KCNU1: variants seen among roughly 807,000 people sequenced by gnomAD.
KCNU1 encodes the protein potassium calcium-activated channel subfamily U member 1, also known as potassium channel subfamily U member 1.
KCNU1 carries 93 observed loss-of-function variants against 126.8 expected under a neutral mutation model. The observed-to-expected ratio is 0.73, with a 90% confidence interval of 0.62 to 0.87. The LOEUF is 0.87. Ranked by LOEUF, KCNU1 falls within the 40% of genes least tolerant of loss-of-function variation. KCNU1 has a pLI of 0.00. For missense variants in KCNU1, 1,330 were observed against 1,367.1 expected (o/e 0.97, Z 0.43); for synonymous variants, 523 against 494.2 (o/e 1.06, Z -0.77).
At chr8:36,820,120 G>A (rs1053903349) in intron 10 of KCNU1, among the ~76,000 whole-genome samples, 4 of 152,126 alleles carry the variant, frequency 2.6e-5, no homozygotes, top group African/African-American at 9.7e-5. Flanking sequence ...AGCTCCTTGT[G>A]AAGCTCCTGG....
At chr8:36,929,719 GA>G (rs1808642408) in intron 24 of KCNU1, among the ~76,000 whole-genome samples, 1 of 152,134 alleles carries the variant, frequency 6.6e-6, no homozygotes, top group African/African-American at 2.4e-5. Context: ...CCCCAGAGGG[GA>G]CAGGTCATGG....
At chr8:36,871,989 C>G (rs1806120330) in intron 19 of KCNU1, among the ~76,000 whole-genome samples, 1 of 151,874 alleles carries the variant, frequency 6.6e-6, no homozygotes, top group African/African-American at 2.4e-5. Context: ...AAGTAAAACT[C>G]TCTTCAAGGC....
chr8:36,900,476 A>G (rs1398834355), intron 19 of KCNU1, among the ~76,000 whole-genome samples: 1 of 152,136 alleles, frequency 6.6e-6, no homozygotes, highest in Non-Finnish European at 1.5e-5. Flanking sequence ...TTAATATTTG[A>G]CTACAATATG....
intron 2 of KCNU1, among the ~76,000 whole-genome samples, chr8:36,801,597 T>C (rs992054375): frequency 2.6e-5 from 4 of 152,042 alleles, no homozygotes; most frequent in Non-Finnish European, 5.9e-5. Flanking sequence ...ATGTACATAA[T>C]CATATGTAAA....
rs1263985562 is a variant in KCNU1 at position 36,911,026 on chromosome 8, C to T, written c.2428C>T (p.Gln810Ter). 1 of 1,613,728 alleles carries T rather than the reference C, an allele frequency of 6.2e-7. No individual in the cohort carries two copies. The highest frequency in any genetic ancestry group is 1.7e-5 in the Admixed American group (1 of 60,002). Residue 810 changes from glutamine (Q) to a stop codon, truncating the protein, a stop_gained, in exon 22 of 27, where the codon CAG becomes TAG. Transcript: ENST00000399881. LOFTEE classifies it high-confidence loss of function. ...CCCCCCACCCCAGCCATCAAGCAAC[C>T]AGACTTTGGTAGACACAGAAGCCAT... ...LSPPPQPSSN[Q>*]TLVDTEAIMA... is the part of the protein sequence containing the mutation.
At position 36,789,675 on chromosome 8, in the gene KCNU1, T is replaced by C. The variant is rs1363293021; in HGVS notation, c.315+2250T>C. On this transcript the variant is annotated intron_variant, in intron 2 of 26. Coordinates refer to ENST00000399881, the MANE Select transcript of KCNU1 (RefSeq NM_001031836.3). ...CAGATGAGGAATGCCATGAGGGAAA[T>C]ATGAGTGAAGTGTTTGTGAGGTATG... Among the ~76,000 whole-genome samples the C allele has an allele frequency of 4.6e-5, 7 of 152,058 alleles. No homozygotes were observed. The East Asian group carries it at 1.4e-3, about 29-fold the overall frequency.
chr8:36,895,225 C>G (rs1455743261), intron 19 of KCNU1, among the ~76,000 whole-genome samples: 1 of 151,884 alleles, frequency 6.6e-6, no homozygotes, highest in African/African-American at 2.4e-5. Context: ...ATTACAGGCA[C>G]TGACCACCAC....
At chr8:36,908,298 G>T (rs1198214431) in intron 20 of KCNU1, among the ~76,000 whole-genome samples, 1 of 152,084 alleles carries the variant, frequency 6.6e-6, no homozygotes, top group Non-Finnish European at 1.5e-5. Flanking sequence ...TTTCAACTTG[G>T]AGACACAGGG....
At chr8:36,849,457 TGTG>T (rs1417935735) in intron 18 of KCNU1, among the ~76,000 whole-genome samples, 1 of 151,870 alleles carries the variant, frequency 6.6e-6, no homozygotes, top group Non-Finnish European at 1.5e-5. Flanking sequence ...GGTGTGGTGG[TGTG>T]TGCCTGTAAT....
At chr8:36,844,488 C>T (rs1805071129) in intron 16 of KCNU1, among the ~76,000 whole-genome samples, 1 of 152,162 alleles carries the variant, frequency 6.6e-6, no homozygotes, top group Admixed American at 6.5e-5. Context: ...TATTTTCCTT[C>T]CAAAGTTAAA....
At chr8:36,833,908 T>C (rs1300214932) in intron 11 of KCNU1, among the ~76,000 whole-genome samples, 1 of 152,190 alleles carries the variant, frequency 6.6e-6, no homozygotes, top group Non-Finnish European at 1.5e-5. Context: ...CTCAAAATTC[T>C]CTATCTAAAT....
intron 20 of KCNU1, among the ~76,000 whole-genome samples, chr8:36,906,023 A>G (rs1308091703): frequency 6.6e-6 from 1 of 152,134 alleles, no homozygotes; most frequent in African/African-American, 2.4e-5. Flanking sequence ...CTGGAATTTC[A>G]AACAATTATA....
rs181111391 is a variant in KCNU1 at position 36,833,410 on chromosome 8, A to T, written c.1107-144A>T. 345 of 448,002 alleles carry T rather than the reference A, an allele frequency of 7.7e-4. 2 individuals carry two copies. Among genetic ancestry groups the T allele is most frequent in the Middle Eastern group, 1.8e-3 (5 of 2,846 alleles). The allele number at this position is 448,002 out of a possible 1,614,324, so 27.8% of individuals were successfully genotyped here. Reference sequence around the variant, plus strand: ...TTCATCCTTAGTAATTACATTTTTTAAAAAAATAGTATTAACTTGATTTGT... The same window carrying T: ...TTCATCCTTAGTAATTACATTTTTTTAAAAAATAGTATTAACTTGATTTGT... On this transcript the variant is annotated intron_variant, in intron 10 of 26. Coordinates refer to ENST00000399881, the MANE Select transcript of KCNU1 (RefSeq NM_001031836.3).
In KCNU1 at chr8:36,833,537, C is replaced by T. The variant is rs1370867168; in HGVS notation, c.1107-17C>T. ...CATCTTTTTTCCCTCATTGCTGCCA[C>T]GTTCTTTTTTGTCCAGAACCCCTCC... On this transcript the variant is annotated splice_polypyrimidine_tract_variant and intron_variant, in intron 10 of 26. Coordinates refer to ENST00000399881, the MANE Select transcript of KCNU1 (RefSeq NM_001031836.3). The T allele has an allele frequency of 1.3e-5, 19 of 1,484,618 alleles. No homozygotes were observed. Among genetic ancestry groups the T allele is most frequent in the East Asian group, 9.1e-5 (4 of 43,984 alleles). The allele number at this position is 1,484,618 out of a possible 1,614,324, so 92.0% of individuals were successfully genotyped here. A position where few individuals can be genotyped will look rare whatever the true frequency, so the allele number is the denominator to read the frequency against.
chr8:36,808,914 T>G (rs1389968111), intron 7 of KCNU1, 121 bp downstream of exon 7: 1 of 649,850 alleles, frequency 1.5e-6, no homozygotes, highest in Non-Finnish European at 2.7e-6. Flanking sequence ...GAGGTGTGTC[T>G]TTCTACTTCC....
rs977724925 is a variant in KCNU1 at position 36,785,198 on chromosome 8, G to T, written c.195+593G>T. ...AGTTGATGTTGTTGAATAACAGCTG[G>T]CAAATGATGATGATGAGAATAAATG... On this transcript the variant is annotated intron_variant, in intron 1 of 26. Coordinates refer to ENST00000399881, the MANE Select transcript of KCNU1 (RefSeq NM_001031836.3). 1.6e-4 allele frequency among the ~76,000 whole-genome samples: 25 copies of T among 152,148 alleles called. 1 individual carries two copies. Among genetic ancestry groups the T allele is most frequent in the Admixed American group, 9.2e-4 (14 of 15,276 alleles).
chr8:36,913,770 T>A (rs1807984161), intron 22 of KCNU1, among the ~76,000 whole-genome samples: 1 of 151,736 alleles, frequency 6.6e-6, no homozygotes, highest in African/African-American at 2.4e-5. Context: ...CCTGGCTAAT[T>A]TTTTGTATTT....
At chr8:36,845,347 T>G (rs1337143978) in intron 16 of KCNU1, among the ~76,000 whole-genome samples, 1 of 152,186 alleles carries the variant, frequency 6.6e-6, no homozygotes, top group Admixed American at 6.5e-5. Flanking sequence ...CCGCTGTGTG[T>G]TCAGCTCACT....
intron 10 of KCNU1, among the ~76,000 whole-genome samples, chr8:36,832,182 A>T (rs1011818459): frequency 6.6e-6 from 1 of 152,168 alleles, no homozygotes; most frequent in Non-Finnish European, 1.5e-5. Flanking sequence ...TATAGTTTGA[A>T]GTCAGGTAGT....
Sources: allele counts gnomAD v4.1 joint callset (sites outside exome capture counted in the v4.1 genomes callset), GRCh38; gene constraint gnomAD v4.1.1; transcripts MANE v1.5; gene names NCBI Gene and HGNC (gene_info 2026-07-23, HGNC 2026-07-21).